The following CARF variants were observed in gnomAD, a reference collection of about 807,000 sequenced individuals.
CARF encodes the protein calcium-responsive transcription factor.
A neutral mutation model predicts 82.0 loss-of-function variants in CARF; 57 were observed. The ratio of observed to expected loss-of-function variants is 0.70; its 90% CI spans 0.56 to 0.87. The LOEUF is 0.87. Ranked by LOEUF, CARF falls within the 40% of genes least tolerant of loss-of-function variation. The pLI, the probability that CARF is intolerant of heterozygous loss-of-function variation, is 0.00. For synonymous variants in CARF, 268 were observed against 290.1 expected (o/e 0.92, Z 0.77); for missense variants, 771 against 855.8 (o/e 0.90, Z 1.24).
At chr2:202,948,847 T>C (rs2058623872) in intron 5 of CARF, among the ~76,000 whole-genome samples, 1 of 152,192 alleles carries the variant, frequency 6.6e-6, no homozygotes, top group Non-Finnish European at 1.5e-5. Context: ...TTTCTTTCTC[T>C]TGCCTGATTG....
At chr2:202,951,307 C>G (rs571530208) in intron 5 of CARF, among the ~76,000 whole-genome samples, 1 of 152,178 alleles carries the variant, frequency 6.6e-6, no homozygotes, top group Non-Finnish European at 1.5e-5. Flanking sequence ...ACTGGGATTA[C>G]AGGCATGAGC....
At chr2:202,957,166 T>G (rs115681056) in intron 8 of CARF, among the ~76,000 whole-genome samples, 5,937 of 152,264 alleles carry the variant, frequency 0.039, 372 homozygotes, top group African/African-American at 0.13. Flanking sequence ...GCCTTTGTCC[T>G]CTTGTGCTTG....
chr2:202,980,576 G>A (rs1334028674), intron 14 of CARF, among the ~76,000 whole-genome samples: 3 of 127,182 alleles, frequency 2.4e-5, no homozygotes, highest in Non-Finnish European at 4.8e-5. Flanking sequence ...ATAGTACGGA[G>A]AACACACTAG....
chr2:202,961,685 A>T (rs1312284600), intron 9 of CARF: 1 of 471,068 alleles, frequency 2.1e-6, no homozygotes, highest in Non-Finnish European at 3.7e-6. Flanking sequence ...AGTTTCCATT[A>T]AACCTATTTA....
intron 7 of CARF, among the ~76,000 whole-genome samples, 164 bp from the exon 8 acceptor site, chr2:202,955,510 G>A (rs1362649002): frequency 6.6e-6 from 1 of 152,180 alleles, no homozygotes; most frequent in Non-Finnish European, 1.5e-5. Context: ...AGTGGTTAAA[G>A]AAAATAATAA....
At chr2:202,933,389 C>T (rs948958511) in intron 3 of CARF, among the ~76,000 whole-genome samples, 7 of 152,120 alleles carry the variant, frequency 4.6e-5, no homozygotes, top group African/African-American at 7.2e-5. Flanking sequence ...GACACAGTGT[C>T]GGTTTCTTCT....
chr2:202,930,279 C>G (rs1692643824), intron 3 of CARF, among the ~76,000 whole-genome samples: 1 of 152,168 alleles, frequency 6.6e-6, no homozygotes, highest in East Asian at 1.9e-4. Flanking sequence ...ACTCCTGACC[C>G]CAAGTCATCC....
chr2:202,974,615 T>C, intron 13 of CARF, 119 bp downstream of exon 13: 1 of 950,020 alleles, frequency 1.1e-6, no homozygotes, highest in Non-Finnish European at 1.5e-6. Flanking sequence ...GCAAATACAA[T>C]AGGCCGGGCG....
In CARF at chr2:202,912,985, GGGA is replaced by G. The variant is rs1688916564; in HGVS notation, c.-443_-441del. 6.6e-6 allele frequency: 1 copy of G among 152,168 alleles called. No homozygotes were observed. The highest frequency in any genetic ancestry group is 1.5e-5 in the Non-Finnish European group (1 of 68,052). 9.4% of individuals were successfully genotyped at this position (152,168 alleles called of 1,614,324 possible). A position where few individuals can be genotyped will look rare whatever the true frequency, so the allele number is the denominator to read the frequency against. On this transcript the variant is annotated 5_prime_UTR_variant, in exon 1 of 17. The change creates a new upstream start codon in the 5' untranslated region. Coordinates refer to ENST00000438828, the MANE Select transcript of CARF (RefSeq NM_024744.17). Reference sequence around the variant, plus strand: ...TACTCTAATATAGTTGTTTTTCTGAGGGAGGATGGATGGAGATAACTATCCTGA... The same window carrying G: ...TACTCTAATATAGTTGTTTTTCTGAGGGATGGATGGAGATAACTATCCTGA...
In CARF at chr2:202,982,081, T is replaced by TTTTG; in HGVS notation, c.1700_1701insTTGT (p.Leu567PhefsTer10). On this transcript the variant is annotated frameshift_variant, in exon 16 of 17. Transcript: ENST00000438828. LOFTEE classifies it high-confidence loss of function. ...CTTTTTGGTTTAAAAGGGTTTGCAGTTACAACCAAGGTACACCTCTCCTGA... is the reference window on the plus strand; with the variant it reads ...CTTTTTGGTTTAAAAGGGTTTGCAGTTTTGTACAACCAAGGTACACCTCTCCTGA... The TTTTG allele has an allele frequency of 6.2e-7, 1 of 1,613,034 alleles. No individual in the cohort carries two copies. The highest frequency in any genetic ancestry group is 2.2e-5 in the East Asian group (1 of 44,876).
chr2:202,958,247 A>ATGTGTG (rs1225523942), intron 8 of CARF, among the ~76,000 whole-genome samples: 612 of 26,498 alleles, frequency 0.023, 5 homozygotes, highest in African/African-American at 0.045. Flanking sequence ...GTATATACAT[A>ATGTGTG]TATGTGTGTG....
At chr2:202,953,574 T>C (rs1043946496) in intron 6 of CARF, among the ~76,000 whole-genome samples, 8 of 144,848 alleles carry the variant, frequency 5.5e-5, no homozygotes, top group Non-Finnish European at 7.6e-5. Flanking sequence ...AGCTATACTG[T>C]TATGTTGCTT....
intron 3 of CARF, among the ~76,000 whole-genome samples, chr2:202,929,838 C>T (rs1212624254): frequency 3.3e-5 from 5 of 151,510 alleles, no homozygotes; most frequent in Middle Eastern, 6.9e-3. Flanking sequence ...AGCAATCCTC[C>T]TGCCTCAGCC....
In CARF at chr2:202,974,486, T is replaced by A; in HGVS notation, c.1484T>A (p.Ile495Asn). ...NGDTVYNSEI[I>N]PATLQWTTDS... ...GATACGGTATATAACTCAGAGATTA[T>A]TCCAGCAACGGTATGATTACAACCA... Residue 495 changes from isoleucine (I) to asparagine (N), a missense_variant, in exon 13 of 17, where the codon ATT (isoleucine) becomes AAT (asparagine). Physicochemically the swap from Ile to Asn is moderately radical, Grantham distance 149. Coordinates refer to ENST00000438828, the MANE Select transcript of CARF (RefSeq NM_024744.17). 1 of 1,597,856 alleles carries A rather than the reference T, an allele frequency of 6.3e-7. No individual in the cohort carries two copies. Among genetic ancestry groups the A allele is most frequent in the South Asian group, 1.1e-5 (1 of 87,302 alleles).
chr2:202,929,645 T>C (rs952001191), intron 3 of CARF, among the ~76,000 whole-genome samples: 1 of 152,234 alleles, frequency 6.6e-6, no homozygotes, highest in African/African-American at 2.4e-5. Context: ...TCTTTTTGCT[T>C]AGGATTGCTT....
chr2:202,952,066 C>T (rs940294044), intron 5 of CARF, among the ~76,000 whole-genome samples: 2 of 151,996 alleles, frequency 1.3e-5, no homozygotes, highest in African/African-American at 2.4e-5. Context: ...CTCCTGACCT[C>T]GTGATCTGCC....
chr2:202,952,513 C>T, intron 5 of CARF, 46 bp from the exon 6 acceptor site: 1 of 1,545,752 alleles, frequency 6.5e-7, no homozygotes, highest in Admixed American at 1.9e-5. Flanking sequence ...TTTGTTAAAT[C>T]AGTCTAGGCA....
At chr2:202,960,567 T>C (rs1280386429) in intron 8 of CARF, among the ~76,000 whole-genome samples, 2 of 152,172 alleles carry the variant, frequency 1.3e-5, no homozygotes, top group East Asian at 3.9e-4. Context: ...AGGATCTTCA[T>C]AAAAAGAATG....
At chr2:202,953,950 C>G (rs1012549560) in intron 6 of CARF, 55 bp from the exon 7 acceptor site, 1 of 1,500,956 alleles carries the variant, frequency 6.7e-7, no homozygotes. Context: ...TAGGTATATT[C>G]TTATGGTCTT....
Sources: gnomAD v4.1 joint callset for allele counts (sites outside exome capture counted in the v4.1 genomes callset) on GRCh38, gnomAD v4.1.1 for gene constraint, MANE v1.5 for transcripts, NCBI Gene and HGNC (gene_info 2026-07-23, HGNC 2026-07-21) for gene names.